RSPH14: variants seen among roughly 807,000 people sequenced by gnomAD.
RSPH14 encodes radial spoke head 14 homolog.
In RSPH14, 20 loss-of-function variants were observed where a neutral mutation model predicts 26.7. The ratio of observed to expected loss-of-function variants is 0.75; its 90% CI spans 0.53 to 1.09. RSPH14 has a LOEUF of 1.09. Among genes scored for constraint, RSPH14 ranks in the 50% least tolerant of loss-of-function variants. RSPH14 has a pLI of 0.00. For synonymous variants in RSPH14, 177 were observed against 189.3 expected (o/e 0.93, Z 0.53); for missense variants, 449 against 457.2 (o/e 0.98, Z 0.16).
At chr22:23,119,299 TCC>T (rs1323773134) in intron 4 of RSPH14, among the ~76,000 whole-genome samples, 1 of 152,208 alleles carries the variant, frequency 6.6e-6, no homozygotes, top group Non-Finnish European at 1.5e-5. Context: ...GCAACACCTT[TCC>T]CCACTGCCTC....
the RSPH14 span, among the ~76,000 whole-genome samples, chr22:23,169,585 C>G: frequency 1.3e-5 from 2 of 152,170 alleles, no homozygotes; most frequent in Non-Finnish European, 2.9e-5. Context: ...CAAGTCTGGG[C>G]CCCCAGTTAT....
the RSPH14 span, chr22:23,156,140 T>TCTTAGAAAA: frequency 1.0e-6 from 1 of 955,892 alleles, no homozygotes; most frequent in East Asian, 2.9e-5. Context: ...TTTTTTGTCC[T>TCTTAGAAAA]CCAAGACCCA....
the RSPH14 span, among the ~76,000 whole-genome samples, chr22:23,175,275 G>A: frequency 2.8e-3 from 431 of 152,176 alleles, 3 homozygotes; most frequent in African/African-American, 0.01. Context: ...TGGGATTACA[G>A]GCGTCAGCCA....
At chr22:23,075,764 C>T (rs1279533271) in intron 4 of RSPH14, among the ~76,000 whole-genome samples, 2 of 152,136 alleles carry the variant, frequency 1.3e-5, no homozygotes, top group Non-Finnish European at 2.9e-5. Context: ...CATGGGGGAC[C>T]GTGGTTGTGG....
At chr22:23,123,540 A>G (rs1301661106) in intron 4 of RSPH14, 3 of 672,072 alleles carry the variant, frequency 4.5e-6, no homozygotes, top group Non-Finnish European at 7.7e-6. Context: ...GGCCTAAAGA[A>G]TGTCCCCCAC....
At chr22:23,177,830 G>T in the RSPH14 span, among the ~76,000 whole-genome samples, 8 of 152,194 alleles carry the variant, frequency 5.3e-5, no homozygotes, top group African/African-American at 1.9e-4. Context: ...ACAGGGTCTT[G>T]CTCTGTTACC....
At chr22:23,152,315 C>G in the RSPH14 span, 4 of 775,536 alleles carry the variant, frequency 5.2e-6, no homozygotes, top group Non-Finnish European at 9.0e-6. Context: ...GAAGGGGGAA[C>G]ACAGTGTCTC....
At chr22:23,098,246 C>T (rs2069181206) in intron 4 of RSPH14, among the ~76,000 whole-genome samples, 1 of 152,240 alleles carries the variant, frequency 6.6e-6, no homozygotes, top group African/African-American at 2.4e-5. Flanking sequence ...TTGTAATGAT[C>T]CTGATCCCTG....
At chr22:23,174,674 TA>T in the RSPH14 span, among the ~76,000 whole-genome samples, 142 of 143,272 alleles carry the variant, frequency 9.9e-4, no homozygotes, top group African/African-American at 1.3e-3. Context: ...AATAAAGTTG[TA>T]AAAAAAAAAA....
At chr22:23,124,331 G>T in intron 4 of RSPH14, 2 of 392,462 alleles carry the variant, frequency 5.1e-6, no homozygotes, top group Non-Finnish European at 5.4e-6. Flanking sequence ...TTTTTTTTCA[G>T]GTGGTCTTTT....
chr22:23,158,951 TC>T, the RSPH14 span: 1 of 1,614,186 alleles, frequency 6.2e-7, no homozygotes, highest in Middle Eastern at 1.6e-4. Flanking sequence ...TGCTTCATCT[TC>T]CTCGTGGGAA....
chr22:23,134,767 G>A (rs752603258), intron 3 of RSPH14, among the ~76,000 whole-genome samples: 4 of 152,034 alleles, frequency 2.6e-5, no homozygotes, highest in Non-Finnish European at 5.9e-5. Flanking sequence ...TCAGAAGGCT[G>A]AGGCACAAGA....
chr22:23,125,839 A>T lies in RSPH14; in HGVS notation c.421+8187T>A, dbSNP rs369209895. 1.1e-4 allele frequency among the ~76,000 whole-genome samples: 17 copies of T among 152,276 alleles called. No individual in the cohort carries two copies. In the East Asian group the frequency reaches 3.1e-3, roughly 28 times the overall value. On this transcript the variant is annotated intron_variant, in intron 4 of 6. Transcript: ENST00000216036. ...CTGCACAGGATGGAAGCCTACAGGGAGCAGCACAGAACCACCCTGCAGCCT... is the reference window on the plus strand; with the variant it reads ...CTGCACAGGATGGAAGCCTACAGGGTGCAGCACAGAACCACCCTGCAGCCT...
At chr22:23,089,928 C>T (rs1185251772) in intron 4 of RSPH14, among the ~76,000 whole-genome samples, 1 of 152,150 alleles carries the variant, frequency 6.6e-6, no homozygotes, top group African/African-American at 2.4e-5. Flanking sequence ...CAGACTCTGG[C>T]CTGAGCACAG....
At chr22:23,103,650 C>T (rs539824842) in intron 4 of RSPH14, among the ~76,000 whole-genome samples, 2 of 152,218 alleles carry the variant, frequency 1.3e-5, no homozygotes, top group African/African-American at 2.4e-5. Flanking sequence ...TTGGCTAACA[C>T]GAGACCACAA....
At chr22:23,178,538 G>C in the RSPH14 span, among the ~76,000 whole-genome samples, 1 of 152,202 alleles carries the variant, frequency 6.6e-6, no homozygotes, top group African/African-American at 2.4e-5. Flanking sequence ...TGCAAAATGG[G>C]CTATTTGCAG....
intron 4 of RSPH14, chr22:23,124,767 C>T (rs993884244): frequency 3.0e-5 from 5 of 164,062 alleles, no homozygotes; most frequent in African/African-American, 1.2e-4. Context: ...TCTGGGCCTT[C>T]CTGTCCCAGG....
At chr22:23,090,154 A>G (rs2068928154) in intron 4 of RSPH14, among the ~76,000 whole-genome samples, 1 of 152,134 alleles carries the variant, frequency 6.6e-6, no homozygotes, top group Non-Finnish European at 1.5e-5. Flanking sequence ...CCATAAGCAC[A>G]GCAGGGTCCT....
the RSPH14 span, chr22:23,157,855 T>C: frequency 2.6e-6 from 4 of 1,545,710 alleles, no homozygotes; most frequent in Non-Finnish European, 2.6e-6. Context: ...TCAGCCTTCA[T>C]TGTAGGAGGT....
Sources: gnomAD v4.1 joint callset for allele counts (sites outside exome capture counted in the v4.1 genomes callset) on GRCh38, gnomAD v4.1.1 for gene constraint, MANE v1.5 for transcripts, NCBI Gene and HGNC (gene_info 2026-07-23, HGNC 2026-07-21) for gene names.